The following NKAIN2 variants were observed in gnomAD, a reference collection of about 807,000 sequenced individuals.
NKAIN2 encodes sodium/potassium transporting ATPase interacting 2, also known as sodium/potassium-transporting ATPase subunit beta-1-interacting protein 2.
Under a neutral mutation model 32.6 loss-of-function variants are expected in NKAIN2, and 14 were observed. The ratio of observed to expected loss-of-function variants is 0.43; its 90% CI spans 0.28 to 0.67. NKAIN2 has a LOEUF of 0.67. NKAIN2 is among the 30% of genes least tolerant of loss of function. NKAIN2 has a pLI of 0.17. For synonymous variants in NKAIN2, 80 were observed against 87.2 expected, an observed-to-expected ratio of 0.92 and a Z score of 0.46; for missense variants, 198 against 258.3, an observed-to-expected ratio of 0.77 and a Z score of 1.60.
intron 3 of NKAIN2, among the ~76,000 whole-genome samples, chr6:124,470,426 G>A (rs763077734): frequency 1.3e-5 from 2 of 152,134 alleles, no homozygotes; most frequent in Non-Finnish European, 2.9e-5. Flanking sequence ...CAATCAGGTG[G>A]CTTTGCAGAA....
At chr6:124,620,949 G>A (rs1183771519) in intron 3 of NKAIN2, among the ~76,000 whole-genome samples, 1 of 152,166 alleles carries the variant, frequency 6.6e-6, no homozygotes, top group South Asian at 2.1e-4. Flanking sequence ...GCAATACTTA[G>A]GGTTGCTATT....
At chr6:124,451,953 G>A (rs1284210949) in intron 3 of NKAIN2, among the ~76,000 whole-genome samples, 2 of 152,052 alleles carry the variant, frequency 1.3e-5, no homozygotes, top group African/African-American at 4.8e-5. Flanking sequence ...CCAGCACTTT[G>A]GGAGGCCAAG....
intron 4 of NKAIN2, among the ~76,000 whole-genome samples, chr6:124,722,541 C>T (rs1031348293): frequency 6.6e-6 from 1 of 152,176 alleles, no homozygotes; most frequent in Non-Finnish European, 1.5e-5. Flanking sequence ...TCATAAGGAG[C>T]ATGCAACCTA....
At chr6:124,773,861 T>C (rs1391318031) in intron 4 of NKAIN2, among the ~76,000 whole-genome samples, 3 of 152,172 alleles carry the variant, frequency 2.0e-5, no homozygotes, top group African/African-American at 4.8e-5. Flanking sequence ...TTGAAAGAGA[T>C]ACTGAGAAAA....
At chr6:124,547,771 T>C (rs1342469385) in intron 3 of NKAIN2, among the ~76,000 whole-genome samples, 3 of 152,212 alleles carry the variant, frequency 2.0e-5, no homozygotes, top group South Asian at 2.1e-4. Context: ...TAATTTCAGA[T>C]AGTAGGAGTA....
At chr6:124,147,554 G>C (rs1430813444) in intron 1 of NKAIN2, among the ~76,000 whole-genome samples, 1 of 151,992 alleles carries the variant, frequency 6.6e-6, no homozygotes, top group Non-Finnish European at 1.5e-5. Context: ...AGAACCTTGA[G>C]AGTTGATTAA....
intron 2 of NKAIN2, among the ~76,000 whole-genome samples, chr6:124,331,360 A>C (rs1226998592): frequency 2.2e-5 from 3 of 137,374 alleles, no homozygotes; most frequent in East Asian, 4.1e-4. Context: ...AAAAAAAAAA[A>C]AAAAAAAAAA....
chr6:123,984,405 A>G (rs553727834), intron 1 of NKAIN2, among the ~76,000 whole-genome samples: 10 of 152,202 alleles, frequency 6.6e-5, no homozygotes, highest in Non-Finnish European at 1.2e-4. Context: ...CAACACATGT[A>G]TAAGTACAAC....
intron 4 of NKAIN2, among the ~76,000 whole-genome samples, chr6:124,672,612 A>G (rs188637190): frequency 3.9e-5 from 6 of 152,214 alleles, no homozygotes; most frequent in Admixed American, 2.0e-4. Flanking sequence ...ATTCATGAAT[A>G]TTTATAATAT....
At chr6:124,099,876 G>A (rs182733399) in intron 1 of NKAIN2, among the ~76,000 whole-genome samples, 1 of 152,244 alleles carries the variant, frequency 6.6e-6, no homozygotes, top group Admixed American at 6.5e-5. Flanking sequence ...TTTGTATGGA[G>A]CCTACACAAA....
intron 4 of NKAIN2, among the ~76,000 whole-genome samples, chr6:124,678,003 GT>G (rs923280128): frequency 1.1e-4 from 17 of 151,258 alleles, no homozygotes; most frequent in African/African-American, 2.7e-4. Context: ...TGCTGGTAGT[GT>G]TTTTTTTCTT....
intron 1 of NKAIN2, among the ~76,000 whole-genome samples, chr6:124,045,122 A>G (rs969051940): frequency 1.3e-5 from 2 of 151,918 alleles, no homozygotes; most frequent in African/African-American, 4.8e-5. Flanking sequence ...TCACCTTTAT[A>G]TAGAGTTATT....
At chr6:124,108,300 GT>G in intron 1 of NKAIN2, among the ~76,000 whole-genome samples, 1 of 152,026 alleles carries the variant, frequency 6.6e-6, no homozygotes, top group East Asian at 1.9e-4. Flanking sequence ...TATACACGGT[GT>G]TCATGTGTAT....
chr6:123,920,825 G>T (rs1463774178), intron 1 of NKAIN2, among the ~76,000 whole-genome samples: 1 of 152,120 alleles, frequency 6.6e-6, no homozygotes, highest in Admixed American at 6.6e-5. Context: ...ATTACTCAAA[G>T]AATTATCTTC....
intron 2 of NKAIN2, among the ~76,000 whole-genome samples, chr6:124,347,655 G>T (rs548121600): frequency 6.6e-6 from 1 of 151,984 alleles, no homozygotes; most frequent in Non-Finnish European, 1.5e-5. Context: ...CATTCTTCAC[G>T]TAGTTCTCGA....
intron 1 of NKAIN2, among the ~76,000 whole-genome samples, chr6:124,051,345 A>C (rs531510134): frequency 1.2e-4 from 18 of 152,214 alleles, no homozygotes; most frequent in Admixed American, 3.9e-4. Context: ...AGAGTTCAGA[A>C]AGAACAATTT....
chr6:124,629,643 CTT>C (rs757917450), intron 3 of NKAIN2, among the ~76,000 whole-genome samples: 4 of 152,108 alleles, frequency 2.6e-5, no homozygotes, highest in Non-Finnish European at 5.9e-5. Context: ...TTTAGCCACT[CTT>C]TGTTTATAGT....
intron 2 of NKAIN2, among the ~76,000 whole-genome samples, chr6:124,329,690 G>T (rs1035419806): frequency 1.3e-5 from 2 of 152,146 alleles, no homozygotes; most frequent in Middle Eastern, 3.2e-3. Context: ...ACCTACACTT[G>T]CACAGTATCA....
rs1019493136 is a variant in NKAIN2, at chr6:124,109,445, G to A, written c.55-173560G>A. On this transcript the variant is annotated intron_variant, in intron 1 of 6. Transcript: ENST00000368417. Reference sequence around the variant, plus strand: ...TATTTGTTCTAACAGTGCTTTTTCTGGAGTCTCTAATGTTGTCTAAGATCA... The same window carrying A: ...TATTTGTTCTAACAGTGCTTTTTCTAGAGTCTCTAATGTTGTCTAAGATCA... 1.7e-4 allele frequency among the ~76,000 whole-genome samples: 26 copies of A among 151,850 alleles called. 1 individual carries two copies. Among genetic ancestry groups the A allele is most frequent in the Admixed American group, 6.6e-5 (1 of 15,230 alleles).
Sources: allele counts gnomAD v4.1 joint callset (sites outside exome capture counted in the v4.1 genomes callset), GRCh38; gene constraint gnomAD v4.1.1; transcripts MANE v1.5; gene names NCBI Gene and HGNC (gene_info 2026-07-23, HGNC 2026-07-21).